Variants in NDC80 observed in about 807,000 individuals in gnomAD.
NDC80 encodes kinetochore protein NDC80 homolog.
NDC80 carries 69 observed loss-of-function variants against 89.3 expected under a neutral mutation model. The ratio of observed to expected loss-of-function variants is 0.77; its 90% CI spans 0.64 to 0.94. The LOEUF (loss-of-function observed/expected upper bound fraction) is 0.94. Ranked by LOEUF, NDC80 falls within the 40% of genes least tolerant of loss-of-function variation. NDC80 has a pLI of 0.00. For synonymous variants in NDC80, 243 were observed against 255.6 expected (o/e 0.95, Z 0.47); for missense variants, 593 against 739.6 (o/e 0.80, Z 2.30).
intron 10 of NDC80, among the ~76,000 whole-genome samples, chr18:2,595,102 A>C (rs1004590235): frequency 6.6e-6 from 1 of 151,928 alleles, no homozygotes; most frequent in African/African-American, 2.4e-5. Flanking sequence ...GCTAATAGGG[A>C]AATAAGTTTC....
At chr18:2,595,771 T>C (rs1394193881) in intron 11 of NDC80, 150 bp downstream of exon 11, 1 of 579,434 alleles carries the variant, frequency 1.7e-6, no homozygotes, top group East Asian at 2.8e-5. Context: ...CATCCCTTTA[T>C]GTCAATTCAG....
At chr18:2,581,859 T>C (rs555119324) in intron 6 of NDC80, among the ~76,000 whole-genome samples, 158 of 152,292 alleles carry the variant, frequency 1.0e-3, no homozygotes, top group Non-Finnish European at 1.9e-3. Flanking sequence ...ACTCTCTAAA[T>C]TATTTTTTCA....
chr18:2,614,610 A>AAAG (rs2072771989), intron 16 of NDC80, among the ~76,000 whole-genome samples: 1 of 41,372 alleles, frequency 2.4e-5, no homozygotes, highest in Non-Finnish European at 4.2e-5. Flanking sequence ...AGAAAGAAAG[A>AAAG]AAGAAAGAAA....
rs1393263566 is a variant in NDC80 at position 2,616,595 on chromosome 18, A to G, written c.*21A>G. The G allele has an allele frequency of 1.3e-5, 17 of 1,268,532 alleles. No homozygotes were observed. The highest frequency in any genetic ancestry group is 1.8e-5 in the South Asian group (1 of 56,810). The allele number at this position is 1,268,532 out of a possible 1,614,324, so 78.6% of individuals were successfully genotyped here. On this transcript the variant is annotated 3_prime_UTR_variant, in exon 17 of 17. Coordinates refer to ENST00000261597, the MANE Select transcript of NDC80 (RefSeq NM_006101.3). ...AATGAAGATAAAATGTTGATCATGTATATATATCCATAGTGAATAAAATTG... is the reference window on the plus strand; with the variant it reads ...AATGAAGATAAAATGTTGATCATGTGTATATATCCATAGTGAATAAAATTG...
At position 2,572,879 on chromosome 18, in the gene NDC80, A is replaced by G. The variant is rs561718090; in HGVS notation, c.-9-98A>G. On this transcript the variant is annotated intron_variant, in intron 1 of 16. Transcript: ENST00000261597. ...GAAAGATGATGATCTTGAAGAAACA[A>G]TGAAACCTGACTGTCTTTCTGTTTA... is the stretch of plus-strand genomic sequence containing the variant. The G allele has an allele frequency of 5.9e-6, 5 of 849,004 alleles. No individual in the cohort carries two copies. In the Admixed American group the frequency reaches 1.1e-4, roughly 19 times the overall value. The allele number at this position is 849,004 out of a possible 1,614,324, so 52.6% of individuals were successfully genotyped here.
At chr18:2,573,893 T>A (rs1045692399) in intron 2 of NDC80, among the ~76,000 whole-genome samples, 3 of 152,130 alleles carry the variant, frequency 2.0e-5, no homozygotes, top group African/African-American at 7.2e-5. Context: ...TTGCCTGCAG[T>A]TTAGATAATG....
At chr18:2,591,699 A>G (rs761574406) in intron 10 of NDC80, among the ~76,000 whole-genome samples, 31 of 151,900 alleles carry the variant, frequency 2.0e-4, no homozygotes, top group Non-Finnish European at 3.4e-4. Context: ...CATGATGACA[A>G]AGAAGCTTGG....
chr18:2,602,039 A>G lies in NDC80; in HGVS notation c.1464+554A>G, dbSNP rs1015502355. Among the ~76,000 whole-genome samples the G allele has an allele frequency of 2.6e-5, 4 of 152,288 alleles. No individual in the cohort carries two copies. In the East Asian group the frequency reaches 7.7e-4, roughly 29 times the overall value. On this transcript the variant is annotated intron_variant, in intron 13 of 16. Transcript: ENST00000261597. Reference sequence around the variant, plus strand: ...GTATTTAGTAACCTTTAAAGTAAACATTGTTAGTTAAGAAAAGTTAAGCTA... The same window carrying G: ...GTATTTAGTAACCTTTAAAGTAAACGTTGTTAGTTAAGAAAAGTTAAGCTA...
intron 11 of NDC80, among the ~76,000 whole-genome samples, chr18:2,596,334 A>C (rs1392884421): frequency 6.6e-6 from 1 of 152,034 alleles, no homozygotes; most frequent in African/African-American, 2.4e-5. Flanking sequence ...TACAAGAAAA[A>C]AACAAACAAA....
chr18:2,576,976 T>C (rs1420041085), intron 3 of NDC80, among the ~76,000 whole-genome samples: 6 of 152,158 alleles, frequency 3.9e-5, no homozygotes, highest in Non-Finnish European at 7.3e-5. Flanking sequence ...TGAAACCAAT[T>C]TGGTTTCATT....
intron 3 of NDC80, among the ~76,000 whole-genome samples, chr18:2,575,636 G>A (rs1268349358): frequency 6.6e-6 from 1 of 151,968 alleles, no homozygotes; most frequent in African/African-American, 2.4e-5. Context: ...AATGAGCCAG[G>A]CTTGTAGACC....
At chr18:2,615,715 G>A (rs1371339593) in intron 16 of NDC80, among the ~76,000 whole-genome samples, 1 of 152,162 alleles carries the variant, frequency 6.6e-6, no homozygotes, top group African/African-American at 2.4e-5. Flanking sequence ...AGTAAATGTT[G>A]ATATATTCAT....
At chr18:2,574,656 C>G (rs2072536632) in intron 2 of NDC80, among the ~76,000 whole-genome samples, 1 of 151,770 alleles carries the variant, frequency 6.6e-6, no homozygotes, top group South Asian at 2.1e-4. Flanking sequence ...TTTGGAAATG[C>G]AAATTTAGGG....
Position 2,606,414 on chromosome 18 carries a change from G to A in NDC80, c.1465-1G>A. 1 of 1,592,692 alleles carries A rather than the reference G, an allele frequency of 6.3e-7. No individual in the cohort carries two copies. Among genetic ancestry groups the A allele is most frequent in the Non-Finnish European group, 8.6e-7 (1 of 1,169,174 alleles). On this transcript the variant is annotated splice_acceptor_variant, in intron 13 of 16. Transcript: ENST00000261597. LOFTEE classifies it high-confidence loss of function. ...TCTCAACCAAAGTTTTATTTCCCCAGTTGAATGCAATGATAACAGAAAGCA... is the reference window on the plus strand; with the variant it reads ...TCTCAACCAAAGTTTTATTTCCCCAATTGAATGCAATGATAACAGAAAGCA...
chr18:2,605,362 CAG>C, intron 13 of NDC80, among the ~76,000 whole-genome samples: 1 of 147,738 alleles, frequency 6.8e-6, no homozygotes, highest in Non-Finnish European at 1.5e-5. Flanking sequence ...CTTTGGGACT[CAG>C]AAAAAAATGT....
intron 11 of NDC80, among the ~76,000 whole-genome samples, 187 bp from the exon 12 acceptor site, chr18:2,598,832 A>G (rs998119077): frequency 3.3e-5 from 5 of 152,226 alleles, no homozygotes; most frequent in African/African-American, 1.2e-4. Flanking sequence ...TGTAAATTTA[A>G]GTGTTACTAA....
At chr18:2,604,130 G>A (rs1272412756) in intron 13 of NDC80, among the ~76,000 whole-genome samples, 1 of 152,158 alleles carries the variant, frequency 6.6e-6, no homozygotes, top group African/African-American at 2.4e-5. Context: ...GTACAGTGCA[G>A]CATCTGCCTT....
chr18:2,612,768 T>C (rs2072752355), intron 16 of NDC80, among the ~76,000 whole-genome samples: 1 of 152,240 alleles, frequency 6.6e-6, no homozygotes, highest in Admixed American at 6.5e-5. Flanking sequence ...AGTTTGGTGT[T>C]ATTAGGAAAA....
intron 16 of NDC80, chr18:2,614,377 C>A (rs1412919107): frequency 5.9e-6 from 1 of 170,082 alleles, no homozygotes; most frequent in African/African-American, 2.4e-5. Context: ...GCAGAGGTTG[C>A]AGTGAGCCGA....
Sources: allele counts gnomAD v4.1 joint callset (sites outside exome capture counted in the v4.1 genomes callset), GRCh38; gene constraint gnomAD v4.1.1; transcripts MANE v1.5; gene names NCBI Gene and HGNC (gene_info 2026-07-23, HGNC 2026-07-21).